Variants in PXDC1 observed in about 807,000 individuals in gnomAD.
PXDC1 encodes the protein PX domain-containing protein 1.
A neutral mutation model predicts 24.4 loss-of-function variants in PXDC1; 13 were observed. The observed-to-expected ratio is 0.53, with a 90% CI of 0.35 to 0.85. The LOEUF (loss-of-function observed/expected upper bound fraction) is 0.85, where lower values mean the gene tolerates loss of function less well. Ranked by LOEUF, PXDC1 falls within the 40% of genes least tolerant of loss-of-function variation. The probability of loss-of-function intolerance (pLI) is 0.01; values close to 1 mark genes in which losing one functional copy is unlikely to be tolerated. For missense variants in PXDC1, 344 were observed against 309.3 expected (o/e 1.11, Z -0.84); for synonymous variants, 162 against 124.9 (o/e 1.30, Z -1.98).
chr6:3,751,691 A>T lies in PXDC1; in HGVS notation c.-160T>A. 8.9e-7 allele frequency: 1 copy of T among 1,123,242 alleles called. No homozygotes were observed. Among genetic ancestry groups the T allele is most frequent in the African/African-American group, 1.6e-5 (1 of 61,186 alleles). The allele number at this position is 1,123,242 out of a possible 1,614,324, so 69.6% of individuals were successfully genotyped here. A position where few individuals can be genotyped will look rare whatever the true frequency, so the allele number is the denominator to read the frequency against. On this transcript the variant is annotated 5_prime_UTR_variant, in exon 1 of 5. Coordinates refer to ENST00000380283, the MANE Select transcript of PXDC1 (RefSeq NM_183373.4). ...GCTGCGTATGGCCCGCGTTCGGGGC[A>T]GCGGGGCGGCGCGGCGGCGAGTGGC... is the stretch of plus-strand genomic sequence containing the variant.
chr6:3,726,935 A>G (rs1760082345), intron 4 of PXDC1, among the ~76,000 whole-genome samples: 1 of 152,252 alleles, frequency 6.6e-6, no homozygotes, highest in Admixed American at 6.5e-5. Context: ...CATACAGCCA[A>G]GGAGCAGTCT....
chr6:3,746,542 G>A (rs999273015), intron 1 of PXDC1, among the ~76,000 whole-genome samples: 1 of 152,124 alleles, frequency 6.6e-6, no homozygotes, highest in Non-Finnish European at 1.5e-5. Context: ...CTCTGGGTGG[G>A]GCAGAATGAC....
intron 1 of PXDC1, among the ~76,000 whole-genome samples, chr6:3,750,892 G>T (rs981766447): frequency 1.3e-5 from 2 of 152,122 alleles, no homozygotes; most frequent in Non-Finnish European, 2.9e-5. Flanking sequence ...CAGTGCGCCC[G>T]CCCGCCGGCC....
At chr6:3,742,822 GGA>G (rs1480946127) in intron 1 of PXDC1, among the ~76,000 whole-genome samples, 1 of 152,086 alleles carries the variant, frequency 6.6e-6, no homozygotes. Flanking sequence ...TGGGCCAACT[GGA>G]CACACATTTG....
In PXDC1 at chr6:3,725,164, C is replaced by T. The variant is rs533466010; in HGVS notation, c.579-1428G>A. 1.2e-4 allele frequency among the ~76,000 whole-genome samples: 19 copies of T among 152,180 alleles called. No homozygotes were observed. The highest frequency in any genetic ancestry group is 9.7e-4 in the East Asian group (5 of 5,168). ...ACCCAAGGGGGAACCTTGGGCGTGC[C>T]GAAAGGTTCAAGCCAGTCGAGGGAC... On this transcript the variant is annotated intron_variant, in intron 4 of 4. Transcript: ENST00000380283. This position sits in a 1 kb window ranked among gnomAD's most constrained non-coding sequence, Gnocchi z 4.8.
At chr6:3,739,284 A>T (rs1760402257) in intron 1 of PXDC1, 1 of 322,674 alleles carries the variant, frequency 3.1e-6, no homozygotes, top group Non-Finnish European at 4.7e-6. Flanking sequence ...CACTTCTGCA[A>T]GAGTGGGCTA....
Position 3,751,701 on chromosome 6 carries a change from CGCGGCGGCGA to C in PXDC1, c.-180_-171del. On this transcript the variant is annotated 5_prime_UTR_variant, in exon 1 of 5. Transcript: ENST00000380283. The stretch of plus-strand genomic sequence containing the variant: ...GCCCGCGTTCGGGGCAGCGGGGCGG[CGCGGCGGCGA>C]GTGGCTCGGGCCGGCCGGGCGCGGC... 9.5e-7 allele frequency: 1 copy of C among 1,053,046 alleles called. No individual in the cohort carries two copies. The highest frequency in any genetic ancestry group is 1.2e-6 in the Non-Finnish European group (1 of 834,178). The allele number at this position is 1,053,046 out of a possible 1,614,324, so 65.2% of individuals were successfully genotyped here. A position where few individuals can be genotyped will look rare whatever the true frequency, so the allele number is the denominator to read the frequency against.
chr6:3,725,946 G>A lies in PXDC1; in HGVS notation c.578+1605C>T, dbSNP rs1013388598. Reference sequence around the variant, plus strand: ...GCCAGGCATCCCGGAGCAGGTGGCCGCCTATTCAAGACCTGTCACTCCTGT... The same window carrying A: ...GCCAGGCATCCCGGAGCAGGTGGCCACCTATTCAAGACCTGTCACTCCTGT... On this transcript the variant is annotated intron_variant, in intron 4 of 4. Coordinates refer to ENST00000380283, the MANE Select transcript of PXDC1 (RefSeq NM_183373.4). This position sits in a 1 kb window ranked among gnomAD's most constrained non-coding sequence, Gnocchi z 4.8. Among the ~76,000 whole-genome samples the A allele has an allele frequency of 6.6e-6, 1 of 151,458 alleles. No individual in the cohort carries two copies. Among genetic ancestry groups the A allele is most frequent in the African/African-American group, 2.4e-5 (1 of 41,348 alleles).
intron 1 of PXDC1, among the ~76,000 whole-genome samples, chr6:3,747,559 G>A (rs1435403654): frequency 6.6e-6 from 1 of 152,074 alleles, no homozygotes; most frequent in African/African-American, 2.4e-5. Flanking sequence ...CTTTGCACCT[G>A]CTCTTCCACT....
intron 1 of PXDC1, among the ~76,000 whole-genome samples, chr6:3,744,117 T>G (rs1020069494): frequency 1.3e-5 from 2 of 152,174 alleles, no homozygotes; most frequent in Admixed American, 6.5e-5. Context: ...TCTCTAGGCT[T>G]TTTCATTATT....
At chr6:3,744,847 G>A (rs59408382) in intron 1 of PXDC1, among the ~76,000 whole-genome samples, 47,117 of 152,124 alleles carry the variant, frequency 0.31, 7,316 homozygotes, top group Middle Eastern at 0.37. Flanking sequence ...ACAGGCATGC[G>A]CGCTACCAGG....
intron 1 of PXDC1, among the ~76,000 whole-genome samples, chr6:3,748,600 C>A (rs777323834): frequency 5.6e-4 from 86 of 152,290 alleles, no homozygotes; most frequent in Non-Finnish European, 7.6e-4. Flanking sequence ...CATTCTCCCC[C>A]ACTGCAGTAC....
At chr6:3,744,831 G>A (rs777128369) in intron 1 of PXDC1, among the ~76,000 whole-genome samples, 1 of 152,224 alleles carries the variant, frequency 6.6e-6, no homozygotes, top group Non-Finnish European at 1.5e-5. Context: ...CCGAGCAGCT[G>A]GGACTACAGG....
intron 1 of PXDC1, among the ~76,000 whole-genome samples, chr6:3,746,242 C>T (rs532510046): frequency 3.1e-4 from 47 of 152,052 alleles, no homozygotes; most frequent in African/African-American, 1.1e-3. Flanking sequence ...TGAGATCTGT[C>T]GGGGGGGCAG....
rs1231520548 is a variant in PXDC1 at position 3,737,807 on chromosome 6, CCT to C, written c.348+248_348+249del. 2 of 489,798 alleles carry C rather than the reference CCT, an allele frequency of 4.1e-6. No homozygotes were observed. The highest frequency in any genetic ancestry group is 5.3e-6 in the Non-Finnish European group (2 of 377,460). The allele number at this position is 489,798 out of a possible 1,614,324, so 30.3% of individuals were successfully genotyped here. On this transcript the variant is annotated intron_variant, in intron 2 of 4. Transcript: ENST00000380283. The surrounding 1 kb of genome is among the most constrained non-coding windows in gnomAD (Gnocchi z 5.5). Reference sequence around the variant, plus strand: ...CCTTCCACCCATGCCTCCTTGCATCCCTCATTTTCACTCTTTCCCCAGGGAGG... The same window carrying C: ...CCTTCCACCCATGCCTCCTTGCATCCCATTTTCACTCTTTCCCCAGGGAGG...
chr6:3,723,702 C>G lies in PXDC1; in HGVS notation c.613G>C (p.Glu205Gln), dbSNP rs116802281. 1.1e-5 allele frequency: 18 copies of G among 1,614,188 alleles called. No homozygotes were observed. The African/African-American group carries it at 2.0e-4, about 18-fold the overall frequency. ...TAGGCTGCTGGGTCGTCCCCGTCCT[C>G]CAGCTCTGAGGGAAACTCACTGCCA... ...ENGSEFPSEL[E>Q]DGDDPAAYVT... Residue 205 changes from glutamate (E) to glutamine (Q), a missense_variant, in exon 5 of 5, where the codon GAG (glutamate) becomes CAG (glutamine). Physicochemically the swap from Glu to Gln is conservative, Grantham distance 29. Coordinates refer to ENST00000380283, the MANE Select transcript of PXDC1 (RefSeq NM_183373.4).
intron 1 of PXDC1, among the ~76,000 whole-genome samples, chr6:3,741,237 G>A (rs1245110969): frequency 6.6e-6 from 1 of 152,218 alleles, no homozygotes; most frequent in African/African-American, 2.4e-5. Context: ...TTTATTTGTG[G>A]AAATGTGCAG....
At chr6:3,736,466 C>G (rs1415317222) in intron 3 of PXDC1, among the ~76,000 whole-genome samples, 1 of 152,206 alleles carries the variant, frequency 6.6e-6, no homozygotes, top group Non-Finnish European at 1.5e-5. Flanking sequence ...GTCCTAGAGA[C>G]TCCCAGGACA....
At chr6:3,745,870 G>A (rs1281450070) in intron 1 of PXDC1, among the ~76,000 whole-genome samples, 2 of 152,188 alleles carry the variant, frequency 1.3e-5, no homozygotes, top group Non-Finnish European at 2.9e-5. Flanking sequence ...ACATCAGCAA[G>A]GTTTCTTAAC....
Sources: gnomAD v4.1 joint callset for allele counts (sites outside exome capture counted in the v4.1 genomes callset) on GRCh38, gnomAD v4.1.1 for gene constraint, Gnocchi (gnomAD v3.1) non-coding constraint, MANE v1.5 for transcripts, NCBI Gene and HGNC (gene_info 2026-07-23, HGNC 2026-07-21) for gene names.